AADACL3: variants seen among roughly 807,000 people sequenced by gnomAD.
The protein encoded by AADACL3 is arylacetamide deacetylase like 3, also known as arylacetamide deacetylase-like 3.
Under a neutral mutation model 13.6 loss-of-function variants are expected in AADACL3, and 13 were observed. The ratio of observed to expected loss-of-function variants is 0.95; its 90% CI spans 0.62 to 1.52. AADACL3 has a LOEUF of 1.52. Among genes scored for constraint, AADACL3 ranks in the 40% most tolerant of loss-of-function variants. The pLI, the probability that AADACL3 is intolerant of heterozygous loss-of-function variation, is 0.00. For synonymous variants in AADACL3, 195 were observed against 197.0 expected (o/e 0.99, Z 0.08); for missense variants, 519 against 499.2 (o/e 1.04, Z -0.38).
At chr1:12,723,086 G>T (rs969254646) in intron 3 of AADACL3, among the ~76,000 whole-genome samples, 2 of 151,954 alleles carry the variant, frequency 1.3e-5, no homozygotes, top group Non-Finnish European at 2.9e-5. Flanking sequence ...TGCCCAGGCT[G>T]GTCTCAAACT....
intron 3 of AADACL3, among the ~76,000 whole-genome samples, 187 bp downstream of exon 3, chr1:12,721,133 T>C: frequency 6.6e-6 from 1 of 152,076 alleles, no homozygotes; most frequent in Non-Finnish European, 1.5e-5. Context: ...CTGGGTGTGG[T>C]GGCTCACGCC....
intron 3 of AADACL3, among the ~76,000 whole-genome samples, chr1:12,721,707 G>A (rs1283223321): frequency 6.6e-6 from 1 of 152,160 alleles, no homozygotes; most frequent in African/African-American, 2.4e-5. Flanking sequence ...ATGCTGCCAC[G>A]TTCACTTCCA....
intron 1 of AADACL3, among the ~76,000 whole-genome samples, chr1:12,717,395 C>T (rs1450777964): frequency 1.3e-5 from 2 of 152,190 alleles, no homozygotes; most frequent in African/African-American, 4.8e-5. Context: ...ATTGCTCCTA[C>T]TTCACAGGGT....
At position 12,725,530 on chromosome 1, in the gene AADACL3, T is replaced by G. The variant is rs1459991987; in HGVS notation, c.758T>G (p.Phe253Cys). 6.2e-7 allele frequency: 1 copy of G among 1,614,124 alleles called. No individual in the cohort carries two copies. The highest frequency in any genetic ancestry group is 8.5e-7 in the Non-Finnish European group (1 of 1,180,026). ...LLTWSFICYF[F>C]FQNLDFSSSW... ...ACCTGGAGTTTCATCTGCTACTTTTTTTTTCAAAACCTGGATTTCAGCTCC... is the reference window on the plus strand; with the variant it reads ...ACCTGGAGTTTCATCTGCTACTTTTGTTTTCAAAACCTGGATTTCAGCTCC... Residue 253 changes from phenylalanine (F) to cysteine (C), a missense_variant, in exon 4 of 4, where the codon TTT (phenylalanine) becomes TGT (cysteine). Physicochemically the swap from Phe to Cys is radical, Grantham distance 205. Coordinates refer to ENST00000359318, the MANE Select transcript of AADACL3 (RefSeq NM_001103170.3).
At chr1:12,720,636 ACAGT>A (rs2100210524) in intron 2 of AADACL3, among the ~76,000 whole-genome samples, 1 of 152,282 alleles carries the variant, frequency 6.6e-6, no homozygotes, top group East Asian at 1.9e-4. Flanking sequence ...TCTGCGTTCT[ACAGT>A]CAAAGAGCTT....
Position 12,719,540 on chromosome 1 carries a change from G to C in AADACL3, c.234G>C (p.Leu78=), listed in dbSNP as rs756482950. The part of the protein sequence containing the change: ...MPQFFCFMQD[L]PPLKYDPDVV... ...AATTTTTCTGTTTCATGCAAGATCT[G>C]CCTCCGCTAAAGTATGACCCCGATG... Residue 78 remains leucine, a synonymous_variant, in exon 2 of 4, where the codon CTG becomes CTC. Transcript: ENST00000359318. The C allele has an allele frequency of 4.3e-6, 7 of 1,613,998 alleles. No individual in the cohort carries two copies. The highest frequency in any genetic ancestry group is 1.3e-5 in the African/African-American group (1 of 74,914).
At position 12,725,743 on chromosome 1, in the gene AADACL3, C is replaced by A; in HGVS notation, c.971C>A (p.Ser324Ter). The A allele has an allele frequency of 6.2e-7, 1 of 1,614,094 alleles. No homozygotes were observed. Among genetic ancestry groups the A allele is most frequent in the Non-Finnish European group, 8.5e-7 (1 of 1,180,024 alleles). Reference sequence around the variant, plus strand: ...AGTGTTGTCCTGGATGTGATGTGCTCGCCCCTGATTGCAGAAGATGACATA... The same window carrying A: ...AGTGTTGTCCTGGATGTGATGTGCTAGCCCCTGATTGCAGAAGATGACATA... ...EVSVVLDVMC[S>*]PLIAEDDIVS... Residue 324 changes from serine (S) to a stop codon, truncating the protein, a stop_gained, in exon 4 of 4, where the codon TCG (serine) becomes TAG (stop). Transcript: ENST00000359318. LOFTEE classifies it low-confidence loss of function (END_TRUNC).
At chr1:12,721,527 T>A (rs1638260697) in intron 3 of AADACL3, among the ~76,000 whole-genome samples, 1 of 152,120 alleles carries the variant, frequency 6.6e-6, no homozygotes, top group South Asian at 2.1e-4. Context: ...AACAGAGGCG[T>A]TTTGTGCATT....
At position 12,716,220 on chromosome 1, in the gene AADACL3, T is replaced by G; in HGVS notation, c.44T>G (p.Phe15Cys). ...ALIFLAAACV[F>C]SLGVTLWVIC... ...ATCTTCCTCGCAGCAGCCTGCGTGT[T>G]CTCACTAGGGGTCACTCTGTGGGTC... The change falls in exon 1 of 4, where the codon TTC becomes TGC. Residue 15 changes from phenylalanine to cysteine, a missense_variant. By Grantham distance (205) the Phe-to-Cys change is radical. Coordinates refer to ENST00000359318, the MANE Select transcript of AADACL3 (RefSeq NM_001103170.3). 1 of 1,283,918 alleles carries G rather than the reference T, an allele frequency of 7.8e-7. No individual in the cohort carries two copies. Among genetic ancestry groups the G allele is most frequent in the African/African-American group, 1.5e-5 (1 of 68,786 alleles). The allele number at this position is 1,283,918 out of a possible 1,614,324, so 79.5% of individuals were successfully genotyped here. A position where few individuals can be genotyped will look rare whatever the true frequency, so the allele number is the denominator to read the frequency against.
rs1447476631 is a variant in AADACL3, at chr1:12,726,544, T to C, written c.*548T>C. ...TGACTTTTCCCGCTGTTTCTCAGCC[T>C]CTGGGATCAGAGTCTTCACTGTCTG... On this transcript the variant is annotated 3_prime_UTR_variant, in exon 4 of 4. Coordinates refer to ENST00000359318, the MANE Select transcript of AADACL3 (RefSeq NM_001103170.3). The C allele has an allele frequency of 6.5e-6, 1 of 153,122 alleles. No homozygotes were observed. Among genetic ancestry groups the C allele is most frequent in the African/African-American group, 2.4e-5 (1 of 41,452 alleles). 9.5% of individuals were successfully genotyped at this position (153,122 alleles called of 1,614,324 possible).
In AADACL3 at chr1:12,717,047, G is replaced by A. The variant is rs576871932; in HGVS notation, c.168+703G>A. On this transcript the variant is annotated intron_variant, in intron 1 of 3. Transcript: ENST00000359318. Reference sequence around the variant, plus strand: ...GGAACTGTGTAGGTGTTGCCAATACGGATTTCTTGTACTTTTTCTTGTGCC... The same window carrying A: ...GGAACTGTGTAGGTGTTGCCAATACAGATTTCTTGTACTTTTTCTTGTGCC... 5.9e-5 allele frequency among the ~76,000 whole-genome samples: 9 copies of A among 152,274 alleles called. No homozygotes were observed. The East Asian group carries it at 1.3e-3, about 23-fold the overall frequency.
At chr1:12,718,019 T>C (rs1371880093) in intron 1 of AADACL3, among the ~76,000 whole-genome samples, 1 of 152,186 alleles carries the variant, frequency 6.6e-6, no homozygotes, top group Non-Finnish European at 1.5e-5. Context: ...ATCAGACATA[T>C]TTGCATTGCC....
rs1455321508 is a variant in AADACL3, at chr1:12,723,809, G to A, written c.450-1413G>A. The stretch of plus-strand genomic sequence containing the variant: ...TATAATTTTTTTTTTTTGAGACAGA[G>A]TTTCACTCTTGTTGCCCAGGTTGGA... On this transcript the variant is annotated intron_variant, in intron 3 of 3. Coordinates refer to ENST00000359318, the MANE Select transcript of AADACL3 (RefSeq NM_001103170.3). 7.1e-5 allele frequency among the ~76,000 whole-genome samples: 10 copies of A among 141,760 alleles called. No individual in the cohort carries two copies. In the East Asian group the frequency reaches 1.6e-3, roughly 23 times the overall value. The allele number at this position is 141,760 out of a possible 152,430, so 93.0% of individuals were successfully genotyped here. A position where few individuals can be genotyped will look rare whatever the true frequency, so the allele number is the denominator to read the frequency against.
At position 12,720,882 on chromosome 1, in the gene AADACL3, G is replaced by A; in HGVS notation, c.386-1G>A. The A allele has an allele frequency of 6.2e-7, 1 of 1,612,450 alleles. No homozygotes were observed. Among genetic ancestry groups the A allele is most frequent in the Non-Finnish European group, 8.5e-7 (1 of 1,178,858 alleles). On this transcript the variant is annotated splice_acceptor_variant, in intron 2 of 3. Coordinates refer to ENST00000359318, the MANE Select transcript of AADACL3 (RefSeq NM_001103170.3). LOFTEE classifies it high-confidence loss of function. The stretch of plus-strand genomic sequence containing the variant: ...AATCTTAAAAACCATTTATTTTCTA[G>A]AAACCCACCATGGCATATGCTCTCG...
At position 12,728,521 on chromosome 1, in the gene AADACL3, G is replaced by C. The variant is rs1638418190; in HGVS notation, c.*2525G>C. The C allele has an allele frequency of 6.6e-6, 1 of 152,244 alleles. No homozygotes were observed. The highest frequency in any genetic ancestry group is 1.5e-5 in the Non-Finnish European group (1 of 68,056). 9.4% of individuals were successfully genotyped at this position (152,244 alleles called of 1,614,324 possible). A position where few individuals can be genotyped will look rare whatever the true frequency, so the allele number is the denominator to read the frequency against. ...AGCCTTCAGTGATTGCAGTAGCCTA[G>C]GCTACTATTTTCTATGTGGGGTTTG... On this transcript the variant is annotated 3_prime_UTR_variant, in exon 4 of 4. Transcript: ENST00000359318.
At chr1:12,718,256 C>T (rs1648481733) in intron 1 of AADACL3, among the ~76,000 whole-genome samples, 1 of 150,142 alleles carries the variant, frequency 6.7e-6, no homozygotes, top group African/African-American at 2.5e-5. Flanking sequence ...GGTGTAGTGG[C>T]TTACACCTGT....
chr1:12,717,747 C>T (rs575762790), intron 1 of AADACL3, among the ~76,000 whole-genome samples: 5 of 152,220 alleles, frequency 3.3e-5, no homozygotes, highest in Admixed American at 6.5e-5. Flanking sequence ...CAGCAAAACC[C>T]GTCAGGGGAG....
At chr1:12,721,983 G>A (rs1638270065) in intron 3 of AADACL3, among the ~76,000 whole-genome samples, 2 of 152,184 alleles carry the variant, frequency 1.3e-5, no homozygotes, top group Non-Finnish European at 1.5e-5. Context: ...CTGCATCTCA[G>A]TGGGGGTACA....
intron 3 of AADACL3, among the ~76,000 whole-genome samples, chr1:12,724,847 A>AT (rs1638334421): frequency 6.6e-6 from 1 of 152,208 alleles, no homozygotes; most frequent in African/African-American, 2.4e-5. Context: ...GGCATGATTA[A>AT]TTAAAAACCC....
Sources: gnomAD v4.1 joint callset for allele counts (sites outside exome capture counted in the v4.1 genomes callset) on GRCh38, gnomAD v4.1.1 for gene constraint, MANE v1.5 for transcripts, NCBI Gene and HGNC (gene_info 2026-07-23, HGNC 2026-07-21) for gene names.